Variants in DOK6 observed in about 807,000 individuals in gnomAD.
DOK6 encodes the protein docking protein 6.
In DOK6, 22 loss-of-function variants were observed where a neutral mutation model predicts 44.0. The observed-to-expected ratio is 0.50, with a 90% CI of 0.36 to 0.71. The LOEUF (loss-of-function observed/expected upper bound fraction) is 0.71. DOK6 is among the 30% of genes least tolerant of loss of function. The probability of loss-of-function intolerance (pLI) is 0.00; values close to 1 mark genes in which losing one functional copy is unlikely to be tolerated. For synonymous variants in DOK6, 166 were observed against 145.5 expected, an observed-to-expected ratio of 1.14 and a Z score of -1.01; for missense variants, 340 against 416.4, an observed-to-expected ratio of 0.82 and a Z score of 1.60.
intron 1 of DOK6, among the ~76,000 whole-genome samples, chr18:69,428,565 C>T (rs1978708617): frequency 6.6e-6 from 1 of 152,024 alleles, no homozygotes; most frequent in Non-Finnish European, 1.5e-5. Flanking sequence ...AAGAGGATAA[C>T]TCTAGAGCTT....
intron 1 of DOK6, among the ~76,000 whole-genome samples, chr18:69,476,875 A>G (rs1331822971): frequency 6.6e-6 from 1 of 152,218 alleles, no homozygotes; most frequent in Non-Finnish European, 1.5e-5. Context: ...AGCCTCCAGG[A>G]CAGCAGGACA....
chr18:69,821,476 A>G (rs1382255528), intron 7 of DOK6, among the ~76,000 whole-genome samples: 1 of 152,190 alleles, frequency 6.6e-6, no homozygotes, highest in East Asian at 1.9e-4. Context: ...TAACCATCAC[A>G]GTTTATAGGA....
At chr18:69,658,765 G>A (rs1985434441) in intron 3 of DOK6, among the ~76,000 whole-genome samples, 2 of 152,114 alleles carry the variant, frequency 1.3e-5, no homozygotes, top group Non-Finnish European at 2.9e-5. Flanking sequence ...CTTTATTTTT[G>A]CATATATAAC....
At chr18:69,638,706 C>T (rs764163409) in intron 3 of DOK6, among the ~76,000 whole-genome samples, 1 of 151,998 alleles carries the variant, frequency 6.6e-6, no homozygotes, top group African/African-American at 2.4e-5. Context: ...ATGATTTATT[C>T]CTGGTTCATT....
chr18:69,604,428 T>A (rs552572604), intron 3 of DOK6, among the ~76,000 whole-genome samples: 30 of 152,146 alleles, frequency 2.0e-4, no homozygotes, highest in Non-Finnish European at 4.1e-4. Context: ...AGAGAAGAAT[T>A]TCCTGACAAC....
chr18:69,709,717 G>A lies in DOK6; in HGVS notation c.599+11124G>A, dbSNP rs375955769. Among the ~76,000 whole-genome samples the A allele has an allele frequency of 5.3e-5, 8 of 151,526 alleles. No homozygotes were observed. The South Asian group carries it at 8.4e-4, about 16-fold the overall frequency. ...CTGGGTTATTTAGCATTAGCAAAAG[G>A]GTAAAGAAAAAAGATATTTTTCTTG... On this transcript the variant is annotated intron_variant, in intron 5 of 7. Transcript: ENST00000382713.
chr18:69,593,138 G>A (rs1483151332), intron 2 of DOK6, among the ~76,000 whole-genome samples: 2 of 152,130 alleles, frequency 1.3e-5, no homozygotes, highest in Admixed American at 6.5e-5. Context: ...GCCAAGGCTG[G>A]AAGGTAGCTT....
chr18:69,520,902 G>A, intron 1 of DOK6, among the ~76,000 whole-genome samples: 1 of 151,804 alleles, frequency 6.6e-6, no homozygotes, highest in Non-Finnish European at 1.5e-5. Flanking sequence ...AATAGTTTGA[G>A]ATATAATGAT....
intron 5 of DOK6, among the ~76,000 whole-genome samples, chr18:69,709,465 G>T (rs1277387462): frequency 6.6e-6 from 1 of 151,956 alleles, no homozygotes; most frequent in Non-Finnish European, 1.5e-5. Context: ...CTTTTGTTGG[G>T]AAAATGTTAA....
rs561164887 is a variant in DOK6 at position 69,740,510 on chromosome 18, G to T, written c.738+1407G>T. ...TTATAGTTGTTTTAAACAAGCAAAAGCTCATAGAGTGATTTAAATTATATT... is the reference window on the plus strand; with the variant it reads ...TTATAGTTGTTTTAAACAAGCAAAATCTCATAGAGTGATTTAAATTATATT... On this transcript the variant is annotated intron_variant, in intron 6 of 7. Coordinates refer to ENST00000382713, the MANE Select transcript of DOK6 (RefSeq NM_152721.6). 3.9e-5 allele frequency among the ~76,000 whole-genome samples: 6 copies of T among 152,222 alleles called. No homozygotes were observed. In the East Asian group the frequency reaches 1.2e-3, roughly 29 times the overall value.
chr18:69,683,982 A>G (rs775747203), intron 4 of DOK6, among the ~76,000 whole-genome samples: 1 of 152,202 alleles, frequency 6.6e-6, no homozygotes, highest in Non-Finnish European at 1.5e-5. Context: ...AAATGCTGAT[A>G]TAATCAGCAA....
chr18:69,832,943 G>T (rs1053023486), intron 7 of DOK6, among the ~76,000 whole-genome samples: 1 of 152,138 alleles, frequency 6.6e-6, no homozygotes, highest in African/African-American at 2.4e-5. Context: ...GATATTCCAT[G>T]TTCATGGATT....
At chr18:69,658,273 G>A (rs893450101) in intron 3 of DOK6, among the ~76,000 whole-genome samples, 2 of 152,058 alleles carry the variant, frequency 1.3e-5, no homozygotes, top group African/African-American at 2.4e-5. Context: ...GCATAGACTG[G>A]GGCTGGATTG....
chr18:69,789,530 A>G (rs969005027), intron 7 of DOK6, among the ~76,000 whole-genome samples: 56 of 152,206 alleles, frequency 3.7e-4, no homozygotes, highest in African/African-American at 1.3e-3. Context: ...AATTATCTCT[A>G]TATTTTATAA....
intron 1 of DOK6, among the ~76,000 whole-genome samples, chr18:69,430,312 G>C (rs763444752): frequency 6.6e-6 from 1 of 152,192 alleles, no homozygotes; most frequent in Non-Finnish European, 1.5e-5. Context: ...GACAAGGAAA[G>C]TAGGTCATTT....
intron 5 of DOK6, chr18:69,705,289 G>T (rs546756756): frequency 1.3e-5 from 2 of 152,236 alleles, no homozygotes; most frequent in South Asian, 2.1e-4. Context: ...GTAAAACTTT[G>T]TCAAAATATT....
chr18:69,598,229 ATTATAT>A (rs1189831553), intron 2 of DOK6, among the ~76,000 whole-genome samples: 1 of 151,614 alleles, frequency 6.6e-6, no homozygotes, highest in Non-Finnish European at 1.5e-5. Context: ...TTAAATATTG[ATTATAT>A]TTGTATTATA....
At chr18:69,688,227 T>C (rs575453401) in intron 4 of DOK6, among the ~76,000 whole-genome samples, 1 of 152,304 alleles carries the variant, frequency 6.6e-6, no homozygotes, top group African/African-American at 2.4e-5. Context: ...ACTTTTATGA[T>C]TGGAACACTC....
At chr18:69,700,860 G>C (rs1231553926) in intron 5 of DOK6, among the ~76,000 whole-genome samples, 1 of 152,148 alleles carries the variant, frequency 6.6e-6, no homozygotes, top group African/African-American at 2.4e-5. Flanking sequence ...GGCAGGTAAG[G>C]CATGGCCAGT....
Sources: allele counts gnomAD v4.1 joint callset (sites outside exome capture counted in the v4.1 genomes callset), GRCh38; gene constraint gnomAD v4.1.1; transcripts MANE v1.5; gene names NCBI Gene and HGNC (gene_info 2026-07-23, HGNC 2026-07-21).